ARHGAP15: variants seen among roughly 807,000 people sequenced by gnomAD.
ARHGAP15 encodes rho GTPase-activating protein 15.
Under a neutral mutation model 63.7 loss-of-function variants are expected in ARHGAP15, and 51 were observed. The ratio of observed to expected loss-of-function variants is 0.80; its 90% CI spans 0.64 to 1.01. The LOEUF (loss-of-function observed/expected upper bound fraction) is 1.01, where lower values mean the gene tolerates loss of function less well. Among genes scored for constraint, ARHGAP15 ranks in the 50% least tolerant of loss-of-function variants. The pLI is 0.00. For missense variants in ARHGAP15, 560 were observed against 564.6 expected (o/e 0.99, Z 0.08); for synonymous variants, 191 against 193.8 (o/e 0.99, Z 0.12).
At chr2:143,514,004 A>G (rs577425175) in intron 9 of ARHGAP15, among the ~76,000 whole-genome samples, 1 of 152,348 alleles carries the variant, frequency 6.6e-6, no homozygotes, top group South Asian at 2.1e-4. Flanking sequence ...GGTGCATGTG[A>G]GAATTAAATG....
intron 2 of ARHGAP15, 135 bp from the exon 3 acceptor site, chr2:143,201,999 A>G (rs1235502139): frequency 9.5e-6 from 7 of 738,358 alleles, no homozygotes; most frequent in African/African-American, 1.8e-5. Flanking sequence ...TCAATGTCCA[A>G]AACATTTACT....
rs186913903 is a variant in ARHGAP15 at position 143,458,544 on chromosome 2, G to A, written c.703+21502G>A. On this transcript the variant is annotated intron_variant, in intron 8 of 13. Transcript: ENST00000295095. ...GAAGGGCCGGTGATCATGGGCCAGAGGAAAGAAAAATCTGAAAGTTCTTCG... is the reference window on the plus strand; with the variant it reads ...GAAGGGCCGGTGATCATGGGCCAGAAGAAAGAAAAATCTGAAAGTTCTTCG... Among the ~76,000 whole-genome samples, 224 of 152,210 alleles carry A rather than the reference G, an allele frequency of 1.5e-3. 2 individuals carry two copies. Among genetic ancestry groups the A allele is most frequent in the African/African-American group, 5.2e-3 (217 of 41,528 alleles).
At chr2:143,490,039 G>A (rs1036239218) in intron 9 of ARHGAP15, among the ~76,000 whole-genome samples, 2 of 152,098 alleles carry the variant, frequency 1.3e-5, no homozygotes, top group Middle Eastern at 3.4e-3. Flanking sequence ...TCGCTCTGTC[G>A]CCCAGGCTGG....
chr2:143,600,180 C>A (rs1697709907), intron 11 of ARHGAP15, among the ~76,000 whole-genome samples: 1 of 152,134 alleles, frequency 6.6e-6, no homozygotes, highest in Admixed American at 6.6e-5. Flanking sequence ...ATGCTGTAGA[C>A]TTCTATTTTC....
intron 11 of ARHGAP15, among the ~76,000 whole-genome samples, chr2:143,579,054 A>G (rs1696788875): frequency 6.6e-6 from 1 of 152,156 alleles, no homozygotes; most frequent in Admixed American, 6.6e-5. Flanking sequence ...AACCTGTTCC[A>G]TTTATACTGT....
At chr2:143,408,204 GTCTC>G (rs1395037766) in intron 6 of ARHGAP15, among the ~76,000 whole-genome samples, 2 of 148,970 alleles carry the variant, frequency 1.3e-5, no homozygotes, top group East Asian at 3.9e-4. Context: ...TCTTTGGACA[GTCTC>G]TCTCCCTCTC....
intron 6 of ARHGAP15, among the ~76,000 whole-genome samples, chr2:143,384,827 G>A (rs1245562789): frequency 1.3e-5 from 2 of 152,120 alleles, no homozygotes; most frequent in Non-Finnish European, 2.9e-5. Context: ...ATCCTAACCT[G>A]TCCGGGGATA....
intron 13 of ARHGAP15, among the ~76,000 whole-genome samples, chr2:143,753,087 A>G (rs533257135): frequency 1.3e-5 from 2 of 152,338 alleles, no homozygotes; most frequent in Non-Finnish European, 2.9e-5. Context: ...AGAGGTTACA[A>G]TGAGCTATGA....
In ARHGAP15 at chr2:143,437,403, G is replaced by A. The variant is rs555910868; in HGVS notation, c.703+361G>A. 1.2e-3 allele frequency: 231 copies of A among 192,440 alleles called. 2 individuals are homozygous for A. Among genetic ancestry groups the A allele is most frequent in the African/African-American group, 5.3e-3 (224 of 41,992 alleles). 11.9% of individuals were successfully genotyped at this position (192,440 alleles called of 1,614,324 possible). On this transcript the variant is annotated intron_variant, in intron 8 of 13. Transcript: ENST00000295095. ...TTTATTTGCATACATTAAAGGGTATGAGTGACCACCAGTGTGGTCTAACTT... is the reference window on the plus strand; with the variant it reads ...TTTATTTGCATACATTAAAGGGTATAAGTGACCACCAGTGTGGTCTAACTT...
At chr2:143,461,106 A>G (rs1690911499) in intron 8 of ARHGAP15, among the ~76,000 whole-genome samples, 1 of 151,794 alleles carries the variant, frequency 6.6e-6, no homozygotes, top group Non-Finnish European at 1.5e-5. Context: ...CCTGGCCAAC[A>G]TGGTGAAACC....
At chr2:143,140,179 A>G (rs1269327866) in intron 1 of ARHGAP15, among the ~76,000 whole-genome samples, 2 of 152,144 alleles carry the variant, frequency 1.3e-5, no homozygotes, top group African/African-American at 4.8e-5. Context: ...GAAACTCATC[A>G]AAAGCAATTT....
chr2:143,349,646 T>G (rs1047847705), intron 6 of ARHGAP15, among the ~76,000 whole-genome samples: 1 of 152,192 alleles, frequency 6.6e-6, no homozygotes, highest in Non-Finnish European at 1.5e-5. Context: ...TAAATATCTT[T>G]TGTATTAGTA....
At chr2:143,671,984 A>G (rs1272975919) in intron 12 of ARHGAP15, among the ~76,000 whole-genome samples, 3 of 152,224 alleles carry the variant, frequency 2.0e-5, no homozygotes, top group African/African-American at 7.2e-5. Flanking sequence ...GGAACTTTAC[A>G]GAAGGTTTTA....
intron 6 of ARHGAP15, among the ~76,000 whole-genome samples, chr2:143,369,317 A>C (rs1013401820): frequency 6.6e-6 from 1 of 152,076 alleles, no homozygotes; most frequent in Non-Finnish European, 1.5e-5. Context: ...TGTGAATTAC[A>C]GACCACATCA....
intron 12 of ARHGAP15, among the ~76,000 whole-genome samples, chr2:143,684,514 G>T (rs575514923): frequency 6.6e-5 from 10 of 152,072 alleles, no homozygotes; most frequent in Non-Finnish European, 1.5e-4. Context: ...ATCCTTATTG[G>T]GGGGTCCCAT....
At chr2:143,389,749 C>CA in intron 6 of ARHGAP15, among the ~76,000 whole-genome samples, 1 of 152,214 alleles carries the variant, frequency 6.6e-6, no homozygotes, top group Non-Finnish European at 1.5e-5. Context: ...TTATCTCTGC[C>CA]AACCAGTCAG....
intron 10 of ARHGAP15, among the ~76,000 whole-genome samples, chr2:143,548,027 A>G (rs1183743902): frequency 2.6e-5 from 4 of 152,136 alleles, no homozygotes; most frequent in Non-Finnish European, 4.4e-5. Flanking sequence ...CATTCAGGGT[A>G]TTTAGTTCTT....
chr2:143,138,623 C>T (rs1175749449), intron 1 of ARHGAP15, among the ~76,000 whole-genome samples: 1 of 152,090 alleles, frequency 6.6e-6, no homozygotes, highest in South Asian at 2.1e-4. Context: ...TGTCTTTCCT[C>T]TTTCTCTTTT....
At chr2:143,144,992 C>A (rs980204743) in intron 1 of ARHGAP15, among the ~76,000 whole-genome samples, 4 of 152,060 alleles carry the variant, frequency 2.6e-5, no homozygotes, top group African/African-American at 9.7e-5. Context: ...TATGCAATTT[C>A]TCAGCCTCTC....
Sources: gnomAD v4.1 joint callset for allele counts (sites outside exome capture counted in the v4.1 genomes callset) on GRCh38, gnomAD v4.1.1 for gene constraint, MANE v1.5 for transcripts, NCBI Gene and HGNC (gene_info 2026-07-23, HGNC 2026-07-21) for gene names.